The following TSPAN33 variants were observed in gnomAD, a reference collection of about 807,000 sequenced individuals.
TSPAN33 encodes tetraspanin 33, also known as tetraspanin-33.
In TSPAN33, 27 loss-of-function variants were observed where a neutral mutation model predicts 34.8. The ratio of observed to expected loss-of-function variants is 0.78; its 90% CI spans 0.57 to 1.07. The LOEUF (loss-of-function observed/expected upper bound fraction) is 1.07, where lower values mean the gene tolerates loss of function less well. Among genes scored for constraint, TSPAN33 ranks in the 50% least tolerant of loss-of-function variants. TSPAN33 has a pLI of 0.00. For synonymous variants in TSPAN33, 119 were observed against 124.2 expected, an observed-to-expected ratio of 0.96 and a Z score of 0.28; for missense variants, 272 against 324.9, an observed-to-expected ratio of 0.84 and a Z score of 1.25.
rs1182745483 is a variant in TSPAN33 at position 129,166,926 on chromosome 7, C to T, written c.588+20C>T. ...GACCAGGTGAGCCAGCATCCTGCCT[C>T]ATTTCCTCCTAGGCAGCGAGCTGAG... On this transcript the variant is annotated intron_variant, in intron 6 of 7. Transcript: ENST00000486685. The T allele has an allele frequency of 1.2e-6, 2 of 1,610,136 alleles. No individual in the cohort carries two copies. Among genetic ancestry groups the T allele is most frequent in the Non-Finnish European group, 1.7e-6 (2 of 1,178,482 alleles).
chr7:129,156,677 G>C (rs751852403), intron 1 of TSPAN33, among the ~76,000 whole-genome samples: 1 of 152,114 alleles, frequency 6.6e-6, no homozygotes, highest in Non-Finnish European at 1.5e-5. Context: ...GTCCCTTTGG[G>C]ATGCTCACAT....
rs2150622679 is a variant in TSPAN33, at chr7:129,153,445, C to T, written c.103-8234C>T. 1.3e-5 allele frequency among the ~76,000 whole-genome samples: 2 copies of T among 151,974 alleles called. 1 individual carries two copies. The highest frequency in any genetic ancestry group is 6.8e-3 in the Middle Eastern group (2 of 292). Reference sequence around the variant, plus strand: ...AATTTTAAAGTCAGTGTCTTAAAGACCAAAAACAAAGGAAGAAAATTAAAG... The same window carrying T: ...AATTTTAAAGTCAGTGTCTTAAAGATCAAAAACAAAGGAAGAAAATTAAAG... On this transcript the variant is annotated intron_variant, in intron 1 of 7. Coordinates refer to ENST00000486685, the MANE Select transcript of TSPAN33 (RefSeq NM_178562.5).
intron 1 of TSPAN33, among the ~76,000 whole-genome samples, chr7:129,157,665 C>T (rs1792966012): frequency 6.6e-6 from 1 of 152,138 alleles, no homozygotes; most frequent in Non-Finnish European, 1.5e-5. Flanking sequence ...GCAGCCTAGG[C>T]ATTAGCAGTT....
chr7:129,150,727 G>A (rs1810581859), intron 1 of TSPAN33, among the ~76,000 whole-genome samples: 1 of 152,128 alleles, frequency 6.6e-6, no homozygotes, highest in Non-Finnish European at 1.5e-5. Context: ...TCAACAAAAA[G>A]TACTGCCACT....
At chr7:129,151,815 A>T (rs1810599315) in intron 1 of TSPAN33, among the ~76,000 whole-genome samples, 1 of 152,188 alleles carries the variant, frequency 6.6e-6, no homozygotes, top group Non-Finnish European at 1.5e-5. Context: ...TATTTAGAGT[A>T]TGCCTGCGTT....
intron 1 of TSPAN33, among the ~76,000 whole-genome samples, chr7:129,155,046 G>T (rs779930211): frequency 5.9e-5 from 9 of 152,152 alleles, no homozygotes; most frequent in African/African-American, 1.9e-4. Flanking sequence ...AGAAAATATG[G>T]TTCATATACA....
chr7:129,155,074 G>T (rs1810648747), intron 1 of TSPAN33, among the ~76,000 whole-genome samples: 1 of 152,152 alleles, frequency 6.6e-6, no homozygotes, highest in Admixed American at 6.5e-5. Flanking sequence ...ATATTATTCA[G>T]CCATAAAAAA....
intron 1 of TSPAN33, among the ~76,000 whole-genome samples, chr7:129,161,066 TTTTTAA>T (rs1312440579): frequency 6.6e-6 from 1 of 152,238 alleles, no homozygotes; most frequent in Non-Finnish European, 1.5e-5. Flanking sequence ...GACTGTGTCC[TTTTTAA>T]TTTTAACTTC....
chr7:129,156,870 A>T (rs1031798964), intron 1 of TSPAN33, among the ~76,000 whole-genome samples: 1 of 152,192 alleles, frequency 6.6e-6, no homozygotes, highest in Admixed American at 6.5e-5. Context: ...TTCACCTTTC[A>T]TAGGGATAAT....
intron 1 of TSPAN33, among the ~76,000 whole-genome samples, chr7:129,155,810 C>A (rs1285056154): frequency 6.6e-6 from 1 of 152,128 alleles, no homozygotes; most frequent in Non-Finnish European, 1.5e-5. Flanking sequence ...CAGCCTCAAC[C>A]TCCTGGGGTC....
chr7:129,145,228 C>A (rs1487052982), intron 1 of TSPAN33, 146 bp downstream of exon 1: 1 of 451,572 alleles, frequency 2.2e-6, no homozygotes. Context: ...GGGAGGGACA[C>A]CCCGGGGACG....
chr7:129,145,288 TAA>T (rs1453011486), intron 1 of TSPAN33, among the ~76,000 whole-genome samples: 1 of 151,700 alleles, frequency 6.6e-6, no homozygotes, highest in African/African-American at 2.4e-5. Flanking sequence ...AGGGAATCAG[TAA>T]AGACTGATGG....
chr7:129,155,543 A>G (rs10954222), intron 1 of TSPAN33, among the ~76,000 whole-genome samples: 119,301 of 152,086 alleles, frequency 0.78, 46,996 homozygotes, highest in Non-Finnish European at 0.8. Context: ...ACATTTTAAG[A>G]TAGTATTGAG....
intron 5 of TSPAN33, 118 bp from the exon 6 acceptor site, chr7:129,166,660 C>T (rs1793145122): frequency 1.5e-6 from 2 of 1,327,738 alleles, no homozygotes; most frequent in Non-Finnish European, 2.1e-6. Context: ...TGTGTTAAAA[C>T]ACAACCTAAA....
intron 1 of TSPAN33, among the ~76,000 whole-genome samples, chr7:129,156,613 G>A (rs1209894369): frequency 2.0e-5 from 3 of 152,036 alleles, no homozygotes; most frequent in Non-Finnish European, 4.4e-5. Flanking sequence ...CTTTATTTCG[G>A]TGCTCAAATT....
intron 1 of TSPAN33, among the ~76,000 whole-genome samples, chr7:129,158,443 A>T (rs2150625003): frequency 6.6e-6 from 1 of 152,312 alleles, no homozygotes; most frequent in African/African-American, 2.4e-5. Context: ...GTTCAGAGGT[A>T]CATGTGCAGG....
rs1240932388 is a variant in TSPAN33 at position 129,144,760 on chromosome 7, C to T, written c.-221C>T. ...TGCGGCCGCGGGTGAGTCTCGTCCG[C>T]TCGCGCTGCCCACCGCGGCTCCAGC... is the stretch of plus-strand genomic sequence containing the variant. On this transcript the variant is annotated 5_prime_UTR_variant, in exon 1 of 8. Coordinates refer to ENST00000486685, the MANE Select transcript of TSPAN33 (RefSeq NM_178562.5). 7.4e-6 allele frequency: 1 copy of T among 135,700 alleles called. No individual in the cohort carries two copies. The highest frequency in any genetic ancestry group is 2.6e-5 in the African/African-American group (1 of 38,114). The allele number at this position is 135,700 out of a possible 1,614,324, so 8.4% of individuals were successfully genotyped here. A position where few individuals can be genotyped will look rare whatever the true frequency, so the allele number is the denominator to read the frequency against.
intron 4 of TSPAN33, among the ~76,000 whole-genome samples, chr7:129,164,018 C>T (rs552148872): frequency 4.4e-4 from 67 of 152,140 alleles, no homozygotes; most frequent in African/African-American, 1.6e-3. Flanking sequence ...TTCCGAATTT[C>T]GTAGTCCTCC....
At position 129,144,740 on chromosome 7, in the gene TSPAN33, C is replaced by A. The variant is rs1377460895; in HGVS notation, c.-241C>A. On this transcript the variant is annotated 5_prime_UTR_variant, in exon 1 of 8. Transcript: ENST00000486685. Reference sequence around the variant, plus strand: ...CTGGCTGGCCGGGCTGGTCCTGCGGCCGCGGGTGAGTCTCGTCCGCTCGCG... The same window carrying A: ...CTGGCTGGCCGGGCTGGTCCTGCGGACGCGGGTGAGTCTCGTCCGCTCGCG... Among the ~76,000 whole-genome samples, 1 of 151,730 alleles carries A rather than the reference C, an allele frequency of 6.6e-6. No individual in the cohort carries two copies. The highest frequency in any genetic ancestry group is 1.5e-5 in the Non-Finnish European group (1 of 67,888).
Sources: gnomAD v4.1 joint callset for allele counts (sites outside exome capture counted in the v4.1 genomes callset) on GRCh38, gnomAD v4.1.1 for gene constraint, MANE v1.5 for transcripts, NCBI Gene and HGNC (gene_info 2026-07-23, HGNC 2026-07-21) for gene names.